The following SNTG1 variants were observed in gnomAD, a reference collection of about 807,000 sequenced individuals.
SNTG1 encodes the protein gamma-1-syntrophin.
SNTG1 carries 39 observed loss-of-function variants against 74.7 expected under a neutral mutation model. The ratio of observed to expected loss-of-function variants is 0.52; its 90% confidence interval spans 0.40 to 0.68. The LOEUF is 0.68. Among genes scored for constraint, SNTG1 ranks in the 30% least tolerant of loss-of-function variants. SNTG1 has a pLI of 0.00. For synonymous variants in SNTG1, 254 were observed against 217.1 expected, an observed-to-expected ratio of 1.17 and a Z score of -1.49; for missense variants, 685 against 609.5, an observed-to-expected ratio of 1.12 and a Z score of -1.30.
chr8:50,203,598 G>A (rs1165357667), intron 2 of SNTG1, among the ~76,000 whole-genome samples: 1 of 152,100 alleles, frequency 6.6e-6, no homozygotes, highest in East Asian at 1.9e-4. Context: ...TTTGTGTGCA[G>A]AAAACCAAGC....
At chr8:50,408,979 G>A (rs2092914367) in intron 4 of SNTG1, among the ~76,000 whole-genome samples, 1 of 152,144 alleles carries the variant, frequency 6.6e-6, no homozygotes, top group Admixed American at 6.5e-5. Flanking sequence ...ACCACAGGCT[G>A]ATGAACCTGT....
At chr8:50,491,940 G>A (rs573253088) in intron 8 of SNTG1, among the ~76,000 whole-genome samples, 13 of 125,978 alleles carry the variant, frequency 1.0e-4, no homozygotes, top group Admixed American at 4.8e-4. Flanking sequence ...CTATGTCCAC[G>A]TGTCCTCACT....
At chr8:50,067,721 C>T (rs1463490293) in intron 1 of SNTG1, among the ~76,000 whole-genome samples, 3 of 152,076 alleles carry the variant, frequency 2.0e-5, no homozygotes, top group Admixed American at 2.0e-4. Flanking sequence ...TTTTGGTTGC[C>T]TTGGCTGATG....
intron 2 of SNTG1, among the ~76,000 whole-genome samples, chr8:50,227,608 A>T (rs1234673616): frequency 1.3e-5 from 2 of 152,108 alleles, no homozygotes; most frequent in Non-Finnish European, 2.9e-5. Context: ...TTGTAGAATG[A>T]TTCTCCTCTC....
chr8:50,642,366 G>A (rs150889633), intron 13 of SNTG1, among the ~76,000 whole-genome samples: 11 of 152,092 alleles, frequency 7.2e-5, no homozygotes, highest in South Asian at 2.1e-4. Context: ...CAGTCAAAAC[G>A]CACATTAAAT....
At chr8:50,306,261 A>G (rs572695212) in intron 2 of SNTG1, among the ~76,000 whole-genome samples, 22 of 152,114 alleles carry the variant, frequency 1.4e-4, no homozygotes, top group African/African-American at 5.1e-4. Flanking sequence ...ATTCTGTGGT[A>G]TATATATACC....
At chr8:49,939,669 G>A (rs181580360) in intron 1 of SNTG1, among the ~76,000 whole-genome samples, 3 of 152,222 alleles carry the variant, frequency 2.0e-5, no homozygotes, top group Admixed American at 1.3e-4. Context: ...GGGTAACAAG[G>A]CATAAAATGA....
chr8:50,783,889 A>G (rs2095667354), intron 18 of SNTG1, among the ~76,000 whole-genome samples: 1 of 152,192 alleles, frequency 6.6e-6, no homozygotes, highest in Non-Finnish European at 1.5e-5. Context: ...ATGATGAGTG[A>G]TCTTCTATTG....
chr8:50,760,241 G>A (rs1426224821), intron 18 of SNTG1, among the ~76,000 whole-genome samples: 2 of 152,002 alleles, frequency 1.3e-5, no homozygotes, highest in African/African-American at 2.4e-5. Context: ...AGGAGATTTT[G>A]GGCTGAGACA....
chr8:50,740,779 T>C (rs2095541446), intron 17 of SNTG1, among the ~76,000 whole-genome samples: 1 of 151,886 alleles, frequency 6.6e-6, no homozygotes, highest in Admixed American at 6.6e-5. Context: ...GAAATAGTGG[T>C]GTATATACAC....
intron 15 of SNTG1, among the ~76,000 whole-genome samples, chr8:50,699,838 C>A (rs1173052276): frequency 1.3e-5 from 2 of 149,894 alleles, no homozygotes; most frequent in African/African-American, 5.0e-5. Context: ...TTTATTGAAT[C>A]AATACTGACA....
At chr8:50,609,225 G>A (rs1285667617) in intron 13 of SNTG1, among the ~76,000 whole-genome samples, 1 of 152,010 alleles carries the variant, frequency 6.6e-6, no homozygotes, top group Admixed American at 6.6e-5. Context: ...TTCATGTGGG[G>A]AATATTTTGT....
At chr8:50,565,796 T>C (rs2094513427) in intron 12 of SNTG1, among the ~76,000 whole-genome samples, 1 of 151,950 alleles carries the variant, frequency 6.6e-6, no homozygotes, top group Admixed American at 6.6e-5. Context: ...CTATGAGAGG[T>C]TGATTCTGTA....
Position 50,223,480 on chromosome 8 carries a change from C to T in SNTG1, c.-28+50845C>T, listed in dbSNP as rs928862072. ...TATATAAAAATATCATAGGAAATAA[C>T]TAGTATTGGAAATAACTATTTATCC... On this transcript the variant is annotated intron_variant, in intron 2 of 18. Transcript: ENST00000642720. Among the ~76,000 whole-genome samples the T allele has an allele frequency of 5.9e-5, 9 of 151,876 alleles. No homozygotes were observed. In the East Asian group the frequency reaches 1.5e-3, roughly 26 times the overall value.
chr8:50,183,818 C>T (rs551438233), intron 2 of SNTG1, among the ~76,000 whole-genome samples: 2 of 152,252 alleles, frequency 1.3e-5, no homozygotes, highest in South Asian at 4.1e-4. Flanking sequence ...CTATTTATAT[C>T]TATTTTCTCT....
Position 50,164,090 on chromosome 8 carries a change from T to A in SNTG1, c.-102-8471T>A, listed in dbSNP as rs1039911266. The A allele has an allele frequency of 8.3e-5, 12 of 143,756 alleles. 1 individual carries two copies. Among genetic ancestry groups the A allele is most frequent in the African/African-American group, 3.1e-4 (11 of 35,986 alleles). 8.9% of individuals were successfully genotyped at this position (143,756 alleles called of 1,614,324 possible). A position where few individuals can be genotyped will look rare whatever the true frequency, so the allele number is the denominator to read the frequency against. ...AGAGACTTTGATAGAAAGACACAAT[T>A]TCTTTTTTTTTTTTTTTTTTTTTTT... On this transcript the variant is annotated intron_variant, in intron 1 of 18. Coordinates refer to ENST00000642720, the MANE Select transcript of SNTG1 (RefSeq NM_018967.5).
At chr8:50,290,080 A>T (rs1338551091) in intron 2 of SNTG1, among the ~76,000 whole-genome samples, 1 of 152,130 alleles carries the variant, frequency 6.6e-6, no homozygotes, top group Non-Finnish European at 1.5e-5. Flanking sequence ...GGATTCCTGG[A>T]TGACTGCTAT....
At chr8:50,137,280 A>T (rs368893157) in intron 1 of SNTG1, among the ~76,000 whole-genome samples, 1 of 152,160 alleles carries the variant, frequency 6.6e-6, no homozygotes, top group African/African-American at 2.4e-5. Flanking sequence ...AACACAGAAC[A>T]GTGCTTTTAA....
At position 50,442,505 on chromosome 8, in the gene SNTG1, T is replaced by C. The variant is rs532439658; in HGVS notation, c.219+3906T>C. Among the ~76,000 whole-genome samples, 51 of 152,176 alleles carry C rather than the reference T, an allele frequency of 3.4e-4. 2 individuals are homozygous for C. The South Asian group carries it at 8.9e-3, about 27-fold the overall frequency. The stretch of plus-strand genomic sequence containing the variant: ...GCATCCTTGCTTATCCAAGATATTC[T>C]TTCTCTCAGGTTGCCTTTCAGAGGC... On this transcript the variant is annotated intron_variant, in intron 5 of 18. Coordinates refer to ENST00000642720, the MANE Select transcript of SNTG1 (RefSeq NM_018967.5).
Sources: gnomAD v4.1 joint callset for allele counts (sites outside exome capture counted in the v4.1 genomes callset) on GRCh38, gnomAD v4.1.1 for gene constraint, MANE v1.5 for transcripts, NCBI Gene and HGNC (gene_info 2026-07-23, HGNC 2026-07-21) for gene names.